THOC5: variants seen among roughly 807,000 people sequenced by gnomAD.
THOC5 encodes the protein THO complex subunit 5.
A neutral mutation model predicts 92.9 loss-of-function variants in THOC5; 43 were observed. The ratio of observed to expected loss-of-function variants is 0.46; its 90% CI spans 0.36 to 0.60. The LOEUF (loss-of-function observed/expected upper bound fraction) is 0.60. Ranked by LOEUF, THOC5 falls within the 20% of genes least tolerant of loss-of-function variation. The pLI, the probability that THOC5 is intolerant of heterozygous loss-of-function variation, is 0.00. For synonymous variants in THOC5, 296 were observed against 320.1 expected, an observed-to-expected ratio of 0.92 and a Z score of 0.80; for missense variants, 659 against 849.4, an observed-to-expected ratio of 0.78 and a Z score of 2.79.
intron 12 of THOC5, among the ~76,000 whole-genome samples, chr22:29,524,096 T>C (rs1355030569): frequency 6.6e-6 from 1 of 152,166 alleles, no homozygotes; most frequent in African/African-American, 2.4e-5. Context: ...AAAGACCTAA[T>C]CCCAGTTTCA....
At position 29,528,467 on chromosome 22, in the gene THOC5, C is replaced by T; in HGVS notation, c.926-1G>A. On this transcript the variant is annotated splice_acceptor_variant, in intron 9 of 19. Coordinates refer to ENST00000490103, the MANE Select transcript of THOC5 (RefSeq NM_003678.5). LOFTEE classifies it high-confidence loss of function. ...TCGGCATCTGAGTCACTCTCGTCAT[C>T]TGCAGCCACAGAGAGAAGGCAGCTA... 6.2e-7 allele frequency: 1 copy of T among 1,613,228 alleles called. No individual in the cohort carries two copies. Among genetic ancestry groups the T allele is most frequent in the Non-Finnish European group, 8.5e-7 (1 of 1,180,030 alleles).
At chr22:29,517,168 C>A (rs1218043381) in intron 16 of THOC5, 52 bp from the exon 17 acceptor site, 31 of 1,609,302 alleles carry the variant, frequency 1.9e-5, no homozygotes, top group Non-Finnish European at 2.6e-5. Flanking sequence ...TCTGGTTAAA[C>A]CCCCTGCTCT....
intron 8 of THOC5, chr22:29,531,236 A>G: frequency 9.8e-7 from 1 of 1,022,718 alleles, no homozygotes; most frequent in South Asian, 3.7e-5. Context: ...GGTGCGGTGT[A>G]TGTCTGTCTG....
In THOC5 at chr22:29,542,861, A is replaced by G; in HGVS notation, c.450T>C (p.Phe150=). Residue 150 remains phenylalanine (F), a splice_region_variant and synonymous_variant, in exon 5 of 20, where the codon TTT becomes TTC. Transcript: ENST00000490103. ...LQKEITKCLE[F]KSKHEEIDLV... The stretch of plus-strand genomic sequence containing the variant: ...AAGCCCTGTCCTCCCAAACTCACTT[A>G]AACTCCAAACATTTGGTGATCTCCT... 3 of 1,611,870 alleles carry G rather than the reference A, an allele frequency of 1.9e-6. No homozygotes were observed. Among genetic ancestry groups the G allele is most frequent in the Non-Finnish European group, 2.5e-6 (3 of 1,178,516 alleles).
In THOC5 at chr22:29,520,098, C is replaced by A; in HGVS notation, c.1284G>T (p.Leu428=). ...NQYQFDKVGI[L]TLSDYVLELG... Reference sequence around the variant, plus strand: ...GCTCAAGTACATAGTCGCTCAAAGTCAGGATGCTGCAGAAAAGAAGATAAA... The same window carrying A: ...GCTCAAGTACATAGTCGCTCAAAGTAAGGATGCTGCAGAAAAGAAGATAAA... The change falls in exon 14 of 20, where the codon CTG becomes CTT. Residue 428 remains leucine, a synonymous_variant. Transcript: ENST00000490103. The A allele has an allele frequency of 6.2e-7, 1 of 1,613,262 alleles. No individual in the cohort carries two copies. Among genetic ancestry groups the A allele is most frequent in the South Asian group, 1.1e-5 (1 of 91,012 alleles).
chr22:29,524,842 G>A (rs2063512256), intron 12 of THOC5, among the ~76,000 whole-genome samples: 1 of 152,242 alleles, frequency 6.6e-6, no homozygotes, highest in Non-Finnish European at 1.5e-5. Flanking sequence ...AGGCACCAGA[G>A]CTGTACCTCC....
At chr22:29,540,201 G>A (rs1174302525) in intron 5 of THOC5, among the ~76,000 whole-genome samples, 1 of 152,192 alleles carries the variant, frequency 6.6e-6, no homozygotes, top group Non-Finnish European at 1.5e-5. Context: ...GAACCCAGGA[G>A]GCAGAGGTTG....
intron 6 of THOC5, among the ~76,000 whole-genome samples, chr22:29,537,524 A>C (rs2146527777): frequency 6.6e-6 from 1 of 152,194 alleles, no homozygotes; most frequent in East Asian, 1.9e-4. Context: ...CTGTAATCCC[A>C]GCTACTCAGG....
chr22:29,523,951 A>G (rs564138042), intron 12 of THOC5, among the ~76,000 whole-genome samples: 1 of 152,328 alleles, frequency 6.6e-6, no homozygotes, highest in African/African-American at 2.4e-5. Context: ...CCTGTATTTG[A>G]GCAAAGGCTT....
chr22:29,543,349 A>G (rs2063940339), intron 4 of THOC5, 80 bp downstream of exon 4: 1 of 219,264 alleles, frequency 4.6e-6, no homozygotes, highest in African/African-American at 2.9e-5. Flanking sequence ...CTCTGTCTCA[A>G]AAAAAAAAAA....
intron 7 of THOC5, among the ~76,000 whole-genome samples, chr22:29,533,039 G>T (rs1230941036): frequency 2.0e-5 from 3 of 152,110 alleles, no homozygotes; most frequent in Non-Finnish European, 2.9e-5. Context: ...AAAAACCTGA[G>T]AAATGAAAAG....
intron 9 of THOC5, 157 bp downstream of exon 9, chr22:29,529,005 G>A: frequency 7.1e-6 from 5 of 702,286 alleles, no homozygotes; most frequent in Non-Finnish European, 7.3e-6. Flanking sequence ...GTGACTCCGG[G>A]AAGTGAGCTC....
chr22:29,553,132 A>C (rs2064210763), intron 1 of THOC5, among the ~76,000 whole-genome samples: 1 of 152,032 alleles, frequency 6.6e-6, no homozygotes, highest in Non-Finnish European at 1.5e-5. Context: ...GCCTAGGAAA[A>C]CCAGAGACCT....
intron 2 of THOC5, 82 bp from the exon 3 acceptor site, chr22:29,544,685 C>T (rs1569233671): frequency 1.0e-5 from 14 of 1,349,362 alleles, no homozygotes; most frequent in Non-Finnish European, 1.3e-5. Context: ...CTGACATCTC[C>T]TTTTAGATAA....
intron 11 of THOC5, among the ~76,000 whole-genome samples, 175 bp downstream of exon 11, chr22:29,527,901 TTA>T (rs1467206119): frequency 6.6e-6 from 1 of 152,186 alleles, no homozygotes; most frequent in African/African-American, 2.4e-5. Flanking sequence ...GTTGTTACGG[TTA>T]TGATTTAACA....
intron 8 of THOC5, among the ~76,000 whole-genome samples, chr22:29,530,511 C>T (rs2063631446): frequency 6.6e-6 from 1 of 151,972 alleles, no homozygotes. Flanking sequence ...CAGAGCCAGA[C>T]TCCATCTCAA....
rs762036354 is a variant in THOC5, at chr22:29,536,682, A to G, written c.656T>C (p.Ile219Thr). The G allele has an allele frequency of 4.3e-6, 7 of 1,613,734 alleles. No homozygotes were observed. The highest frequency in any genetic ancestry group is 3.3e-5 in the South Asian group (3 of 91,074). The change falls in exon 7 of 20, where the codon ATT becomes ACT. Residue 219 changes from isoleucine to threonine, a missense_variant. Coordinates refer to ENST00000490103, the MANE Select transcript of THOC5 (RefSeq NM_003678.5). The stretch of plus-strand genomic sequence containing the variant: ...GCTCAGGTACTCCTTCTTCACCTCA[A>G]TCTCCTTGAGAATCTTCTCCTTGTT... ...LSNKEKILKE[I>T]EVKKEYLSSL...
intron 12 of THOC5, among the ~76,000 whole-genome samples, chr22:29,524,309 T>A (rs8140060): frequency 0.34 from 51,132 of 152,056 alleles, 8,823 homozygotes; most frequent in South Asian, 0.51. Context: ...AGTCAATGAT[T>A]ATAAATCAGC....
At chr22:29,545,230 G>A (rs2063991529) in intron 2 of THOC5, 1 of 193,944 alleles carries the variant, frequency 5.2e-6, no homozygotes, top group Non-Finnish European at 1.1e-5. Context: ...GGGAAAGACT[G>A]GCCCCCATGA....
Sources: gnomAD v4.1 joint callset for allele counts (sites outside exome capture counted in the v4.1 genomes callset) on GRCh38, gnomAD v4.1.1 for gene constraint, MANE v1.5 for transcripts, NCBI Gene and HGNC (gene_info 2026-07-23, HGNC 2026-07-21) for gene names.